The following CSMD1 variants were observed in gnomAD, a reference collection of about 807,000 sequenced individuals.
CSMD1 encodes CUB and sushi domain-containing protein 1.
Under a neutral mutation model 417.5 loss-of-function variants are expected in CSMD1, and 213 were observed. The ratio of observed to expected loss-of-function variants is 0.51; its 90% confidence interval spans 0.46 to 0.57. The LOEUF (loss-of-function observed/expected upper bound fraction) is 0.57, where lower values mean the gene tolerates loss of function less well. Among genes scored for constraint, CSMD1 ranks in the 20% least tolerant of loss-of-function variants. The pLI is 0.00. For missense variants in CSMD1, 6,923 were observed against 4,529.7 expected, an observed-to-expected ratio of 1.53 and a Z score of -15.17; for synonymous variants, 2,862 against 1,736.8, an observed-to-expected ratio of 1.65 and a Z score of -16.11.
chr8:3,642,113 A>G (rs368961087), intron 7 of CSMD1, among the ~76,000 whole-genome samples: 2 of 152,132 alleles, frequency 1.3e-5, no homozygotes, highest in African/African-American at 2.4e-5. Flanking sequence ...CAGCCACTCA[A>G]AATGGAAACT....
At chr8:4,144,033 C>G (rs1246498247) in intron 3 of CSMD1, among the ~76,000 whole-genome samples, 3 of 151,218 alleles carry the variant, frequency 2.0e-5, no homozygotes, top group Non-Finnish European at 4.4e-5. Flanking sequence ...AGAAAGCAGC[C>G]TTTGATCCTT....
chr8:4,062,673 T>C (rs1346049448), intron 3 of CSMD1, among the ~76,000 whole-genome samples: 1 of 151,954 alleles, frequency 6.6e-6, no homozygotes. Flanking sequence ...ACAGATTCCT[T>C]GTGCAAGACC....
intron 10 of CSMD1, among the ~76,000 whole-genome samples, chr8:3,565,875 T>C (rs1175322862): frequency 6.6e-6 from 1 of 152,184 alleles, no homozygotes; most frequent in Admixed American, 6.5e-5. Flanking sequence ...TCATATCATC[T>C]TTCATAGTTA....
intron 46 of CSMD1, among the ~76,000 whole-genome samples, chr8:3,097,523 G>C (rs1053592419): frequency 2.0e-5 from 3 of 152,146 alleles, no homozygotes; most frequent in African/African-American, 7.2e-5. Flanking sequence ...AGATGGTCCA[G>C]AATCCTACGT....
At chr8:4,992,562 C>T (rs755378433) in intron 1 of CSMD1, among the ~76,000 whole-genome samples, 1 of 152,190 alleles carries the variant, frequency 6.6e-6, no homozygotes, top group Non-Finnish European at 1.5e-5. Flanking sequence ...AAGCCAGGTC[C>T]TGTCCCTTGG....
intron 26 of CSMD1, among the ~76,000 whole-genome samples, chr8:3,268,289 ATTTTTTTTTT>A (rs1163842745): frequency 2.4e-5 from 2 of 84,302 alleles, no homozygotes; most frequent in East Asian, 7.0e-4. Context: ...TTCATTTCCT[ATTTTTTTTTT>A]TTTTTTTTTT....
chr8:4,174,114 G>A (rs1409917831), intron 3 of CSMD1, among the ~76,000 whole-genome samples: 2 of 152,116 alleles, frequency 1.3e-5, no homozygotes, highest in Non-Finnish European at 2.9e-5. Context: ...GTGGAGGGTA[G>A]GGCAAGCCTG....
intron 1 of CSMD1, among the ~76,000 whole-genome samples, chr8:4,854,460 G>C (rs62484648): frequency 0.021 from 3,240 of 152,250 alleles, 55 homozygotes; most frequent in Middle Eastern, 0.044. Context: ...CACTGTGAGC[G>C]ACGCAGAAGA....
chr8:3,802,741 C>G (rs949114391), intron 5 of CSMD1, among the ~76,000 whole-genome samples: 1 of 152,094 alleles, frequency 6.6e-6, no homozygotes, highest in Non-Finnish European at 1.5e-5. Context: ...AAAGACATCC[C>G]AAAAGCGTGA....
At chr8:3,175,205 A>G (rs973520624) in intron 37 of CSMD1, among the ~76,000 whole-genome samples, 7 of 152,248 alleles carry the variant, frequency 4.6e-5, no homozygotes, top group African/African-American at 1.7e-4. Context: ...CTATACTAAA[A>G]ATGTAGAAAC....
intron 12 of CSMD1, among the ~76,000 whole-genome samples, chr8:3,468,215 G>A (rs1053487070): frequency 6.6e-6 from 1 of 152,170 alleles, no homozygotes; most frequent in African/African-American, 2.4e-5. Context: ...TTCAGAAATT[G>A]TTTGCATTGC....
chr8:3,654,952 G>T lies in CSMD1; in HGVS notation c.1010-38155C>A, dbSNP rs17066827. 4.6e-5 allele frequency among the ~76,000 whole-genome samples: 7 copies of T among 152,284 alleles called. No individual in the cohort carries two copies. In the South Asian group the frequency reaches 1.4e-3, roughly 32 times the overall value. On this transcript the variant is annotated intron_variant, in intron 7 of 69. Transcript: ENST00000635120. ...CTCATCTGGCACTTCCTGCTTTTTG[G>T]AGCCTGATGCATCTCAAACTGAAAA...
intron 3 of CSMD1, among the ~76,000 whole-genome samples, chr8:4,087,522 C>G (rs1382010681): frequency 6.6e-6 from 1 of 152,132 alleles, no homozygotes; most frequent in East Asian, 1.9e-4. Context: ...TCTCTGGTGT[C>G]AAAAAGCAAG....
At chr8:4,326,527 A>T (rs1192188711) in intron 3 of CSMD1, among the ~76,000 whole-genome samples, 2 of 152,208 alleles carry the variant, frequency 1.3e-5, no homozygotes, top group Non-Finnish European at 2.9e-5. Flanking sequence ...GGTAGTGCAT[A>T]ATGAGTAATC....
At chr8:3,290,581 G>C (rs1803479019) in intron 25 of CSMD1, among the ~76,000 whole-genome samples, 1 of 146,478 alleles carries the variant, frequency 6.8e-6, no homozygotes, top group South Asian at 2.1e-4. Context: ...TGTTCTCTTT[G>C]AAGCAATTGT....
chr8:4,643,843 A>T, intron 1 of CSMD1, among the ~76,000 whole-genome samples: 1 of 152,186 alleles, frequency 6.6e-6, no homozygotes, highest in Admixed American at 6.5e-5. Flanking sequence ...ACTTCGATTA[A>T]GGGTTTTCAG....
At chr8:4,546,684 T>C (rs1278341935) in intron 2 of CSMD1, among the ~76,000 whole-genome samples, 5 of 152,154 alleles carry the variant, frequency 3.3e-5, no homozygotes, top group Non-Finnish European at 7.3e-5. Flanking sequence ...AGCCTGTAGA[T>C]AGCAGATCAT....
chr8:3,751,299 A>G (rs1584943740), intron 6 of CSMD1, among the ~76,000 whole-genome samples: 1 of 140,288 alleles, frequency 7.1e-6, no homozygotes, highest in Non-Finnish European at 1.5e-5. Context: ...ATACAATTGA[A>G]GTGTGTGTGT....
At chr8:4,289,995 T>C (rs935417484) in intron 3 of CSMD1, among the ~76,000 whole-genome samples, 3 of 152,192 alleles carry the variant, frequency 2.0e-5, no homozygotes, top group South Asian at 2.1e-4. Context: ...ATTTAAGGAA[T>C]GTGTTATGTG....
Sources: allele counts gnomAD v4.1 joint callset (sites outside exome capture counted in the v4.1 genomes callset), GRCh38; gene constraint gnomAD v4.1.1; transcripts MANE v1.5; gene names NCBI Gene and HGNC (gene_info 2026-07-23, HGNC 2026-07-21).